Variants in SHANK2 observed in about 807,000 individuals in gnomAD.
The protein encoded by SHANK2 is SH3 and multiple ankyrin repeat domains 2, also known as SH3 and multiple ankyrin repeat domains protein 2.
SHANK2 carries 43 observed loss-of-function variants against 133.7 expected under a neutral mutation model. That is an observed-to-expected ratio of 0.32 (90% CI 0.25 to 0.41). The LOEUF (loss-of-function observed/expected upper bound fraction) is 0.41. Ranked by LOEUF, SHANK2 falls within the 10% of genes least tolerant of loss-of-function variation. SHANK2 has a pLI of 1.00. For missense variants in SHANK2, 1,994 were observed against 2,235.8 expected (o/e 0.89, Z 2.18); for synonymous variants, 1,017 against 952.8 (o/e 1.07, Z -1.24).
At chr11:70,853,629 CGGGA>C (rs1378645029) in intron 11 of SHANK2, among the ~76,000 whole-genome samples, 5 of 152,274 alleles carry the variant, frequency 3.3e-5, no homozygotes, top group Admixed American at 3.3e-4. Flanking sequence ...CTCTCAGTAA[CGGGA>C]GGGAGACAGA....
intron 11 of SHANK2, among the ~76,000 whole-genome samples, chr11:70,878,364 T>A (rs1264694727): frequency 6.6e-6 from 1 of 152,148 alleles, no homozygotes; most frequent in African/African-American, 2.4e-5. Flanking sequence ...TAACTTCCCC[T>A]CCACATAGAA....
At chr11:71,073,346 A>AT (rs1951175390) in intron 9 of SHANK2, among the ~76,000 whole-genome samples, 1 of 149,894 alleles carries the variant, frequency 6.7e-6, no homozygotes, top group Admixed American at 6.6e-5. Context: ...TTCAGTAGAG[A>AT]TGGTGTTTCA....
chr11:70,746,915 T>G (rs1946649975), intron 14 of SHANK2, among the ~76,000 whole-genome samples: 1 of 151,394 alleles, frequency 6.6e-6, no homozygotes. Context: ...GCTTGTCTGC[T>G]TCCCTCCACC....
At chr11:70,478,243 G>A (rs1290476467) in intron 25 of SHANK2, among the ~76,000 whole-genome samples, 1 of 151,930 alleles carries the variant, frequency 6.6e-6, no homozygotes, top group East Asian at 1.9e-4. Flanking sequence ...ACCTCCTCAA[G>A]TGATCCTCCT....
At chr11:71,238,879 C>T (rs1417499898) in intron 1 of SHANK2, among the ~76,000 whole-genome samples, 1 of 152,218 alleles carries the variant, frequency 6.6e-6, no homozygotes, top group Non-Finnish European at 1.5e-5. Context: ...GTCACAGGGA[C>T]AGACTTCATT....
intron 1 of SHANK2, among the ~76,000 whole-genome samples, chr11:71,235,791 G>C (rs1414404435): frequency 6.6e-6 from 1 of 152,202 alleles, no homozygotes; most frequent in Non-Finnish European, 1.5e-5. Flanking sequence ...TTCAGTTTTT[G>C]TCAGAAGCCA....
intron 14 of SHANK2, among the ~76,000 whole-genome samples, chr11:70,710,125 T>C (rs2134575996): frequency 6.6e-6 from 1 of 152,270 alleles, no homozygotes; most frequent in African/African-American, 2.4e-5. Flanking sequence ...TGTCCTGAGA[T>C]GAACGCGATT....
At position 70,882,270 on chromosome 11, in the gene SHANK2, G is replaced by C. The variant is rs1165083670; in HGVS notation, c.1174+14231C>G. Among the ~76,000 whole-genome samples the C allele has an allele frequency of 6.6e-6, 1 of 152,146 alleles. No individual in the cohort carries two copies. Among genetic ancestry groups the C allele is most frequent in the African/African-American group, 2.4e-5 (1 of 41,424 alleles). On this transcript the variant is annotated intron_variant, in intron 11 of 25. Coordinates refer to ENST00000601538, the MANE Select transcript of SHANK2 (RefSeq NM_012309.5). This position sits in a 1 kb window ranked among gnomAD's most constrained non-coding sequence, Gnocchi z 4.2. ...GCTCTGCTCGGCCCATTCACCAAGT[G>C]TTTCCAGGCCTGGTGAGCTCCGGGG...
chr11:71,202,702 G>A (rs1954041143), intron 2 of SHANK2, among the ~76,000 whole-genome samples: 1 of 152,128 alleles, frequency 6.6e-6, no homozygotes, highest in Non-Finnish European at 1.5e-5. Context: ...AGCACACCAT[G>A]GACAATCCTC....
chr11:70,558,398 C>T (rs1170771945), intron 17 of SHANK2, among the ~76,000 whole-genome samples: 5 of 152,268 alleles, frequency 3.3e-5, no homozygotes, highest in African/African-American at 9.6e-5. Flanking sequence ...CACGACCCAG[C>T]CCAGTCGTGC....
chr11:70,668,641 G>A (rs1223565578), intron 15 of SHANK2: 2 of 152,444 alleles, frequency 1.3e-5, no homozygotes, highest in African/African-American at 4.8e-5. Flanking sequence ...AGAAATGTGT[G>A]CCTTCAACAG....
intron 14 of SHANK2, among the ~76,000 whole-genome samples, chr11:70,727,497 T>C (rs527419659): frequency 2.0e-5 from 3 of 152,184 alleles, no homozygotes; most frequent in Non-Finnish European, 2.9e-5. Flanking sequence ...AGAGGCACCA[T>C]GGTAGAGCAG....
chr11:70,586,698 T>C (rs1040637126), intron 17 of SHANK2, among the ~76,000 whole-genome samples: 2 of 152,216 alleles, frequency 1.3e-5, no homozygotes, highest in East Asian at 3.8e-4. Context: ...CCTTCCCTTA[T>C]TTATATCTCT....
chr11:70,543,405 C>G (rs565606328), intron 17 of SHANK2, among the ~76,000 whole-genome samples: 3 of 152,262 alleles, frequency 2.0e-5, no homozygotes, highest in African/African-American at 7.2e-5. Flanking sequence ...TGCCCTCCAG[C>G]CTCCAGGGAG....
At chr11:71,171,907 G>A (rs532006582) in intron 2 of SHANK2, among the ~76,000 whole-genome samples, 3 of 147,630 alleles carry the variant, frequency 2.0e-5, no homozygotes, top group South Asian at 2.3e-4. Context: ...CGGCTTCCAC[G>A]GAGGAATCTT....
chr11:70,911,502 T>A (rs917589446), intron 10 of SHANK2, among the ~76,000 whole-genome samples: 16 of 152,298 alleles, frequency 1.1e-4, no homozygotes, highest in African/African-American at 3.4e-4. Context: ...TGGCTATTTG[T>A]GTGTGTGTGA....
At chr11:71,167,444 G>A (rs1377141593) in intron 2 of SHANK2, among the ~76,000 whole-genome samples, 3 of 141,592 alleles carry the variant, frequency 2.1e-5, no homozygotes, top group South Asian at 2.3e-4. Context: ...CCCAGACGGG[G>A]CGGCTGGCCG....
intron 3 of SHANK2, among the ~76,000 whole-genome samples, chr11:71,128,440 T>C (rs1952231873): frequency 1.3e-5 from 2 of 152,036 alleles, no homozygotes; most frequent in South Asian, 4.2e-4. Flanking sequence ...AGGCAGTACA[T>C]ACAGCATGAG....
chr11:71,059,912 G>C (rs938881103), intron 9 of SHANK2, among the ~76,000 whole-genome samples: 7 of 152,292 alleles, frequency 4.6e-5, no homozygotes, highest in African/African-American at 1.4e-4. Flanking sequence ...TGTACAGAGT[G>C]GGGGGCTCTG....
Sources: gnomAD v4.1 joint callset for allele counts (sites outside exome capture counted in the v4.1 genomes callset) on GRCh38, gnomAD v4.1.1 for gene constraint, Gnocchi (gnomAD v3.1) non-coding constraint, MANE v1.5 for transcripts, NCBI Gene and HGNC (gene_info 2026-07-23, HGNC 2026-07-21) for gene names.